DNAJC2: variants seen among roughly 807,000 people sequenced by gnomAD.
The protein encoded by DNAJC2 is DnaJ heat shock protein family (Hsp40) member C2.
In DNAJC2, 32 loss-of-function variants were observed where a neutral mutation model predicts 94.0. The ratio of observed to expected loss-of-function variants is 0.34; its 90% confidence interval spans 0.26 to 0.46. DNAJC2 has a LOEUF of 0.46. Ranked by LOEUF, DNAJC2 falls within the 20% of genes least tolerant of loss-of-function variation. The probability of loss-of-function intolerance (pLI) is 1.00; values close to 1 mark genes in which losing one functional copy is unlikely to be tolerated. For synonymous variants in DNAJC2, 210 were observed against 229.7 expected, an observed-to-expected ratio of 0.91 and a Z score of 0.77; for missense variants, 550 against 719.5, an observed-to-expected ratio of 0.76 and a Z score of 2.69.
Position 103,338,649 on chromosome 7 carries a change from C to T in DNAJC2, c.256-838G>A, listed in dbSNP as rs544711727. ...GAGACAGGCTGGGCATGCCAGCTTA[C>T]GCCTGTAATCCCAGTGCTTTGGGAG... On this transcript the variant is annotated intron_variant, in intron 2 of 16. Coordinates refer to ENST00000379263, the MANE Select transcript of DNAJC2 (RefSeq NM_014377.3). Among the ~76,000 whole-genome samples the T allele has an allele frequency of 5.2e-3, 795 of 152,050 alleles. 6 individuals are homozygous for T. Among genetic ancestry groups the T allele is most frequent in the African/African-American group, 0.018 (764 of 41,490 alleles).
intron 7 of DNAJC2, 28 bp downstream of exon 7, chr7:103,323,570 T>C (rs1039882569): frequency 7.0e-7 from 1 of 1,434,622 alleles, no homozygotes; most frequent in Middle Eastern, 1.8e-4. Flanking sequence ...AATAAATACC[T>C]TCCATTATTA....
chr7:103,321,785 T>C (rs972143444), intron 10 of DNAJC2, 147 bp downstream of exon 10: 5 of 819,492 alleles, frequency 6.1e-6, no homozygotes, highest in South Asian at 2.5e-5. Flanking sequence ...GAGGCGGAAA[T>C]TGCGGTGAAC....
intron 6 of DNAJC2, 94 bp from the exon 7 acceptor site, chr7:103,323,757 T>C (rs891019217): frequency 2.3e-5 from 22 of 954,000 alleles, no homozygotes; most frequent in Middle Eastern, 4.6e-4. Context: ...AATGGATACC[T>C]TTCCTTCCCT....
chr7:103,319,581 A>T, intron 12 of DNAJC2, 28 bp downstream of exon 12: 1 of 1,606,876 alleles, frequency 6.2e-7, no homozygotes, highest in South Asian at 1.1e-5. Flanking sequence ...TGCTACATAT[A>T]GGTAGGAGTG....
chr7:103,317,855 T>G (rs933520568), intron 12 of DNAJC2, among the ~76,000 whole-genome samples: 2 of 152,208 alleles, frequency 1.3e-5, no homozygotes, highest in Non-Finnish European at 2.9e-5. Context: ...TTCATCATGT[T>G]GGCCAGGCTA....
chr7:103,334,883 G>A (rs1819107047), intron 3 of DNAJC2, among the ~76,000 whole-genome samples: 1 of 152,180 alleles, frequency 6.6e-6, no homozygotes, highest in African/African-American at 2.4e-5. Flanking sequence ...ACCCAGGCTG[G>A]AGTGCAATGG....
intron 3 of DNAJC2, among the ~76,000 whole-genome samples, chr7:103,330,783 T>C (rs1348713190): frequency 2.6e-5 from 4 of 151,138 alleles, no homozygotes; most frequent in African/African-American, 7.3e-5. Flanking sequence ...GGTTTCGTCA[T>C]GTTGGCCAGG....
intron 15 of DNAJC2, chr7:103,313,459 A>T: frequency 1.0e-6 from 1 of 985,058 alleles, no homozygotes; most frequent in Non-Finnish European, 1.2e-6. Flanking sequence ...ACCACAATTC[A>T]TTAAGAGTTC....
At position 103,322,163 on chromosome 7, in the gene DNAJC2, T is replaced by A. The variant is rs1818455871; in HGVS notation, c.934-82A>T. 7 of 1,055,624 alleles carry A rather than the reference T, an allele frequency of 6.6e-6. No homozygotes were observed. The South Asian group carries it at 1.8e-4, about 27-fold the overall frequency. 65.4% of individuals were successfully genotyped at this position (1,055,624 alleles called of 1,614,324 possible). On this transcript the variant is annotated intron_variant, in intron 9 of 16. Coordinates refer to ENST00000379263, the MANE Select transcript of DNAJC2 (RefSeq NM_014377.3). ...TTATAATTTTAAAAATTTAAACTTT[T>A]AATAAATTATATTAGGAAAAAAGGC...
rs558530868 is a variant in DNAJC2, at chr7:103,338,431, G to T, written c.256-620C>A. 7.3e-5 allele frequency among the ~76,000 whole-genome samples: 11 copies of T among 149,774 alleles called. No individual in the cohort carries two copies. The East Asian group carries it at 2.3e-3, about 32-fold the overall frequency. On this transcript the variant is annotated intron_variant, in intron 2 of 16. Coordinates refer to ENST00000379263, the MANE Select transcript of DNAJC2 (RefSeq NM_014377.3). ...CCTGCCTCAGCCTTCCAAGTTGCTG[G>T]GATTACAGGTGCACACCACCACGCC...
intron 1 of DNAJC2, chr7:103,344,237 T>C: frequency 2.7e-6 from 1 of 372,784 alleles, no homozygotes; most frequent in Non-Finnish European, 4.8e-6. Context: ...CTTTCCACCG[T>C]AGGCAAGGAG....
At chr7:103,339,604 G>GT (rs35504252) in intron 2 of DNAJC2, among the ~76,000 whole-genome samples, 1,534 of 143,746 alleles carry the variant, frequency 0.011, 19 homozygotes, top group African/African-American at 0.028. Context: ...AAATCCAATG[G>GT]TTTTTTTTTT....
chr7:103,315,710 A>T, intron 15 of DNAJC2, 54 bp downstream of exon 15: 1 of 1,226,320 alleles, frequency 8.2e-7, no homozygotes, highest in Non-Finnish European at 1.2e-6. Flanking sequence ...TTGTACGTCC[A>T]AGCAGCACAG....
intron 16 of DNAJC2, 133 bp downstream of exon 16, chr7:103,312,814 A>C (rs1331883836): frequency 1.3e-6 from 2 of 1,516,932 alleles, no homozygotes; most frequent in Middle Eastern, 1.8e-4. Context: ...TCTTCCTCAT[A>C]ATATTGACCC....
At chr7:103,320,073 T>C (rs1818297047) in intron 10 of DNAJC2, among the ~76,000 whole-genome samples, 1 of 152,084 alleles carries the variant, frequency 6.6e-6, no homozygotes, top group African/African-American at 2.4e-5. Flanking sequence ...TATAATTTTA[T>C]CTCAGTGTAA....
intron 2 of DNAJC2, among the ~76,000 whole-genome samples, chr7:103,339,162 T>C (rs1819287905): frequency 6.6e-6 from 1 of 152,260 alleles, no homozygotes; most frequent in Admixed American, 6.5e-5. Flanking sequence ...CTACATGTTC[T>C]TGTTTACTTA....
At chr7:103,317,146 C>T in intron 12 of DNAJC2, 132 bp from the exon 13 acceptor site, 1 of 780,222 alleles carries the variant, frequency 1.3e-6, no homozygotes, top group Non-Finnish European at 2.0e-6. Context: ...CCTCTCAGGC[C>T]AACCCAAAAA....
chr7:103,320,746 A>AATATATATATATATACACATATATATAT (rs760613846), intron 10 of DNAJC2: 2 of 118,304 alleles, frequency 1.7e-5, no homozygotes, highest in Non-Finnish European at 3.4e-5. Flanking sequence ...TCTGTCACAA[A>AATATATATATATATACACATATATATAT]ATATATATAT....
chr7:103,337,467 C>T (rs1473146081), intron 3 of DNAJC2: 25 of 314,370 alleles, frequency 8.0e-5, no homozygotes, highest in Non-Finnish European at 1.2e-4. Flanking sequence ...TTTTTAAAAG[C>T]TTGCCATTGG....
Sources: allele counts gnomAD v4.1 joint callset (sites outside exome capture counted in the v4.1 genomes callset), GRCh38; gene constraint gnomAD v4.1.1; transcripts MANE v1.5; gene names NCBI Gene and HGNC (gene_info 2026-07-23, HGNC 2026-07-21).